GHR: variants seen among roughly 807,000 people sequenced by gnomAD.
GHR encodes the protein GH receptor.
A neutral mutation model predicts 67.1 loss-of-function variants in GHR; 35 were observed. The observed-to-expected ratio is 0.52, with a 90% CI of 0.40 to 0.69. GHR has a LOEUF of 0.69. Among genes scored for constraint, GHR ranks in the 30% least tolerant of loss-of-function variants. GHR has a pLI of 0.00. For missense variants in GHR, 792 were observed against 764.6 expected, an observed-to-expected ratio of 1.04 and a Z score of -0.42; for synonymous variants, 272 against 269.1, an observed-to-expected ratio of 1.01 and a Z score of -0.10.
At chr5:42,668,373 G>A (rs1158545903) in intron 3 of GHR, among the ~76,000 whole-genome samples, 2 of 151,984 alleles carry the variant, frequency 1.3e-5, no homozygotes, top group Non-Finnish European at 2.9e-5. Flanking sequence ...TCTTTGTTGT[G>A]GCTGTCATCC....
intron 2 of GHR, among the ~76,000 whole-genome samples, chr5:42,579,181 TA>T (rs1561139335): frequency 3.3e-5 from 5 of 150,982 alleles, no homozygotes; most frequent in African/African-American, 1.2e-4. Flanking sequence ...GATAGATAGA[TA>T]GATAGATAGA....
intron 2 of GHR, among the ~76,000 whole-genome samples, chr5:42,595,044 A>G (rs1751993570): frequency 6.6e-6 from 1 of 152,188 alleles, no homozygotes; most frequent in Non-Finnish European, 1.5e-5. Flanking sequence ...AAGGCCCAAC[A>G]TAAATACTAA....
At chr5:42,462,582 T>A (rs1744532662) in intron 1 of GHR, among the ~76,000 whole-genome samples, 1 of 152,198 alleles carries the variant, frequency 6.6e-6, no homozygotes, top group Non-Finnish European at 1.5e-5. Context: ...AATAATTACC[T>A]TATATAAACA....
intron 2 of GHR, among the ~76,000 whole-genome samples, chr5:42,604,040 A>G (rs1752505339): frequency 6.6e-6 from 1 of 152,204 alleles, no homozygotes; most frequent in Non-Finnish European, 1.5e-5. Flanking sequence ...GTTTATTATA[A>G]AGGATATTTT....
intron 6 of GHR, among the ~76,000 whole-genome samples, chr5:42,701,531 C>T (rs1255682958): frequency 6.6e-6 from 1 of 152,056 alleles, no homozygotes; most frequent in African/African-American, 2.4e-5. Context: ...CTTGGAAGAG[C>T]CATTGATAAA....
intron 1 of GHR, among the ~76,000 whole-genome samples, chr5:42,460,504 A>G (rs1452479610): frequency 6.6e-6 from 1 of 152,202 alleles, no homozygotes; most frequent in Non-Finnish European, 1.5e-5. Flanking sequence ...CATAGTAAGC[A>G]CTTAAAGTTA....
chr5:42,702,209 C>G (rs890468308), intron 6 of GHR, among the ~76,000 whole-genome samples: 1 of 152,018 alleles, frequency 6.6e-6, no homozygotes, highest in African/African-American at 2.4e-5. Flanking sequence ...AACTCTGCAC[C>G]CTGCCCACAA....
chr5:42,683,015 T>A (rs533989164), intron 3 of GHR, among the ~76,000 whole-genome samples: 1 of 152,194 alleles, frequency 6.6e-6, no homozygotes, highest in East Asian at 1.9e-4. Flanking sequence ...TTATATATTT[T>A]TTTTTGAGAT....
At chr5:42,511,572 C>T (rs951276622) in intron 1 of GHR, among the ~76,000 whole-genome samples, 1 of 152,084 alleles carries the variant, frequency 6.6e-6, no homozygotes, top group Non-Finnish European at 1.5e-5. Context: ...AAACAGTCCT[C>T]TGTTTTTTGT....
Position 42,721,281 on chromosome 5 carries a change from G to A in GHR, c.*1857G>A, listed in dbSNP as rs1354981876. ...TCCTGAAAAGGTTTATGAAAAAGAA[G>A]AATCTCATCTCAGTGAAGAATACTT... On this transcript the variant is annotated 3_prime_UTR_variant, in exon 10 of 10. Coordinates refer to ENST00000230882, the MANE Select transcript of GHR (RefSeq NM_000163.5). 6.6e-6 allele frequency: 1 copy of A among 152,136 alleles called. No homozygotes were observed. The highest frequency in any genetic ancestry group is 3.2e-3 in the Middle Eastern group (1 of 316). The allele number at this position is 152,136 out of a possible 1,614,324, so 9.4% of individuals were successfully genotyped here. A position where few individuals can be genotyped will look rare whatever the true frequency, so the allele number is the denominator to read the frequency against.
intron 2 of GHR, among the ~76,000 whole-genome samples, chr5:42,595,861 G>A (rs1752039520): frequency 1.3e-5 from 2 of 152,230 alleles, no homozygotes; most frequent in Non-Finnish European, 2.9e-5. Context: ...ACAGTAAGGA[G>A]ATCTGGCTGA....
intron 1 of GHR, among the ~76,000 whole-genome samples, chr5:42,544,644 C>T (rs1211116625): frequency 1.3e-5 from 2 of 152,084 alleles, no homozygotes; most frequent in African/African-American, 4.8e-5. Flanking sequence ...AGTGATCCAC[C>T]CTTGTTTTGA....
intron 2 of GHR, among the ~76,000 whole-genome samples, chr5:42,582,379 C>T (rs1161453748): frequency 6.6e-6 from 1 of 152,164 alleles, no homozygotes; most frequent in Non-Finnish European, 1.5e-5. Flanking sequence ...ATAAGCACAC[C>T]CTTCCTCCCT....
At chr5:42,557,742 TG>T (rs769721666) in intron 1 of GHR, among the ~76,000 whole-genome samples, 4 of 152,304 alleles carry the variant, frequency 2.6e-5, no homozygotes, top group East Asian at 3.9e-4. Context: ...TCTCCTGACC[TG>T]GGAAAATATC....
intron 1 of GHR, among the ~76,000 whole-genome samples, chr5:42,563,787 A>T (rs1462504413): frequency 1.3e-5 from 2 of 152,182 alleles, no homozygotes; most frequent in Non-Finnish European, 2.9e-5. Context: ...CAGGCTGGGC[A>T]ACAGAGTGAA....
At chr5:42,602,202 C>T (rs138383639) in intron 2 of GHR, among the ~76,000 whole-genome samples, 1 of 152,248 alleles carries the variant, frequency 6.6e-6, no homozygotes, top group African/African-American at 2.4e-5. Flanking sequence ...ACTCTATTAA[C>T]AAATTTCCAA....
chr5:42,450,356 G>A (rs1361769724), intron 1 of GHR, among the ~76,000 whole-genome samples: 2 of 151,996 alleles, frequency 1.3e-5, no homozygotes, highest in Non-Finnish European at 2.9e-5. Flanking sequence ...AATGTAGGAG[G>A]GTTGTATATT....
intron 1 of GHR, among the ~76,000 whole-genome samples, chr5:42,464,036 G>T (rs2112063133): frequency 7.3e-5 from 9 of 123,502 alleles, no homozygotes; most frequent in East Asian, 2.2e-4. Context: ...ATAATTTAGT[G>T]TTACCTTGTT....
rs72561786 is a variant in GHR at position 42,489,214 on chromosome 5, T to C, written c.-12+65259T>C. Among the ~76,000 whole-genome samples, 144 of 152,312 alleles carry C rather than the reference T, an allele frequency of 9.5e-4. 3 individuals are homozygous for C. In the East Asian group the frequency reaches 0.025, roughly 27 times the overall value. ...GCCTCCCCACTCTTCTTACCTCATT[T>C]TCCTAGTCCTCTTTTCTTCTTTTTT... On this transcript the variant is annotated intron_variant, in intron 1 of 9. Coordinates refer to ENST00000230882, the MANE Select transcript of GHR (RefSeq NM_000163.5).
Sources: gnomAD v4.1 joint callset for allele counts (sites outside exome capture counted in the v4.1 genomes callset) on GRCh38, gnomAD v4.1.1 for gene constraint, MANE v1.5 for transcripts, NCBI Gene and HGNC (gene_info 2026-07-23, HGNC 2026-07-21) for gene names.